The following LZTFL1 variants were observed in gnomAD, a reference collection of about 807,000 sequenced individuals.
The protein encoded by LZTFL1 is leucine zipper transcription factor-like protein 1.
Under a neutral mutation model 45.9 loss-of-function variants are expected in LZTFL1, and 25 were observed. That is an observed-to-expected ratio of 0.54 (90% CI 0.40 to 0.76). LZTFL1 has a LOEUF of 0.76. Among genes scored for constraint, LZTFL1 ranks in the 30% least tolerant of loss-of-function variants. The pLI is 0.00. For missense variants in LZTFL1, 277 were observed against 331.1 expected (o/e 0.84, Z 1.27); for synonymous variants, 93 against 117.4 (o/e 0.79, Z 1.35).
chr3:45,883,850 C>A, intron 2 of LZTFL1: 1 of 538,054 alleles, frequency 1.9e-6, no homozygotes, highest in South Asian at 2.5e-5. Flanking sequence ...CATCACAGAG[C>A]AAGGATTCAG....
chr3:45,845,141 C>T (rs1701197849), upstream of LZTFL1, among the ~76,000 whole-genome samples: 2 of 152,116 alleles, frequency 1.3e-5, no homozygotes, highest in Admixed American at 1.3e-4. Context: ...TTCCATACTC[C>T]CTTATGCATA....
At chr3:45,904,067 C>T (rs755813935) in intron 2 of LZTFL1, among the ~76,000 whole-genome samples, 6 of 152,110 alleles carry the variant, frequency 3.9e-5, no homozygotes, top group Non-Finnish European at 7.4e-5. Context: ...GCAGCCTCAC[C>T]AGGACAATTA....
intron 4 of LZTFL1, among the ~76,000 whole-genome samples, chr3:45,852,236 G>A (rs1701320575): frequency 6.6e-6 from 1 of 152,202 alleles, no homozygotes; most frequent in South Asian, 2.1e-4. Context: ...GGATAAGCTA[G>A]TATGACATTT....
intron 2 of LZTFL1, among the ~76,000 whole-genome samples, chr3:45,880,333 C>A (rs775681095): frequency 6.6e-6 from 1 of 152,138 alleles, no homozygotes; most frequent in Non-Finnish European, 1.5e-5. Context: ...AAAACCCCAT[C>A]TCTACTAAAA....
chr3:45,896,341 G>T (rs3774641), intron 2 of LZTFL1, among the ~76,000 whole-genome samples: 25,088 of 152,168 alleles, frequency 0.16, 2,629 homozygotes, highest in South Asian at 0.44. Context: ...GTAATGACCT[G>T]CTCTTGTCAG....
At chr3:45,864,075 G>A (rs1244425081) in intron 2 of LZTFL1, among the ~76,000 whole-genome samples, 2 of 152,154 alleles carry the variant, frequency 1.3e-5, no homozygotes, top group Non-Finnish European at 2.9e-5. Context: ...CTATGTGGGA[G>A]ACTGACTGTG....
chr3:45,841,374 A>G (rs554456575), intron 1 of LZTFL1, among the ~76,000 whole-genome samples: 3 of 152,230 alleles, frequency 2.0e-5, no homozygotes, highest in African/African-American at 4.8e-5. Flanking sequence ...GGGATTAATG[A>G]TATTTTTTGA....
At chr3:45,893,365 G>T (rs1702251148) in intron 2 of LZTFL1, among the ~76,000 whole-genome samples, 1 of 152,050 alleles carries the variant, frequency 6.6e-6, no homozygotes, top group Non-Finnish European at 1.5e-5. Flanking sequence ...ATGTTGGCCA[G>T]ACTGGTCTCG....
intron 2 of LZTFL1, among the ~76,000 whole-genome samples, chr3:45,890,586 G>A (rs1231961370): frequency 6.6e-6 from 1 of 151,328 alleles, no homozygotes; most frequent in Non-Finnish European, 1.5e-5. Context: ...TGGGCTTCTT[G>A]ATGGCACCTG....
At chr3:45,889,118 T>G (rs1364377846) in intron 2 of LZTFL1, among the ~76,000 whole-genome samples, 1 of 152,228 alleles carries the variant, frequency 6.6e-6, no homozygotes, top group Admixed American at 6.5e-5. Context: ...GCTGAGTAGC[T>G]GGGACTACAG....
intron 2 of LZTFL1, among the ~76,000 whole-genome samples, chr3:45,865,116 G>A (rs906047410): frequency 3.3e-5 from 5 of 152,180 alleles, no homozygotes; most frequent in African/African-American, 1.2e-4. Context: ...TCATGCCTGT[G>A]CTGCTCCCAG....
intron 9 of LZTFL1, 141 bp downstream of exon 9, chr3:45,827,215 A>T (rs544606096): frequency 2.9e-6 from 2 of 687,848 alleles, no homozygotes. Flanking sequence ...GAGCTCCTCC[A>T]CTTTCCTCAA....
chr3:45,869,195 T>C (rs150130902), intron 2 of LZTFL1, among the ~76,000 whole-genome samples: 1,687 of 152,296 alleles, frequency 0.011, 33 homozygotes, highest in African/African-American at 0.038. Context: ...TGCTCAGGGA[T>C]GGAGGACCAT....
rs1702545554 is a variant in LZTFL1 at position 45,901,248 on chromosome 3, G to C, written c.-215+11872C>G. ...CATTGCCATTGCCCAGGCCATGAGAGCACATACTTGGAGGGAGAAAAGGCT... is the reference window on the plus strand; with the variant it reads ...CATTGCCATTGCCCAGGCCATGAGACCACATACTTGGAGGGAGAAAAGGCT... On this transcript the variant is annotated intron_variant, in intron 2 of 4. Transcript: ENST00000472635. This position sits in a 1 kb window ranked among gnomAD's most constrained non-coding sequence, Gnocchi z 4.3. The C allele has an allele frequency of 6.2e-7, 1 of 1,614,220 alleles. No homozygotes were observed. Among genetic ancestry groups the C allele is most frequent in the South Asian group, 1.1e-5 (1 of 91,080 alleles).
intron 2 of LZTFL1, among the ~76,000 whole-genome samples, chr3:45,880,507 A>C (rs1049764558): frequency 6.6e-6 from 1 of 152,140 alleles, no homozygotes; most frequent in Non-Finnish European, 1.5e-5. Flanking sequence ...ATCTCAAAAA[A>C]AAAGGAAATC....
intron 4 of LZTFL1, among the ~76,000 whole-genome samples, chr3:45,852,346 C>A (rs958734565): frequency 6.6e-6 from 1 of 152,174 alleles, no homozygotes; most frequent in Non-Finnish European, 1.5e-5. Flanking sequence ...TAAGAAACAA[C>A]AAGACCACAA....
chr3:45,831,075 G>T lies in LZTFL1; in HGVS notation c.520C>A (p.Gln174Lys). 6.2e-7 allele frequency: 1 copy of T among 1,608,518 alleles called. No individual in the cohort carries two copies. Among genetic ancestry groups the T allele is most frequent in the Non-Finnish European group, 8.5e-7 (1 of 1,176,822 alleles). Reference protein sequence around the residue: ...LKSRLKTIEIQATNALDEKSK... With the variant: ...LKSRLKTIEIKATNALDEKSK... ...GTGTCAAAACATTTCTCAGTTACCT[G>T]TATTTCAATGGTCTTCAACCTTGAC... The change falls in exon 6 of 10, where the codon CAG becomes AAG. Residue 174 changes from glutamine (Q) to lysine (K), a missense_variant and splice_region_variant. Gln to Lys is a moderately conservative substitution (Grantham distance 53). Coordinates refer to ENST00000296135, the MANE Select transcript of LZTFL1 (RefSeq NM_020347.4).
intron 2 of LZTFL1, among the ~76,000 whole-genome samples, chr3:45,883,461 T>C (rs6441930): frequency 0.49 from 75,300 of 152,150 alleles, 22,145 homozygotes; most frequent in African/African-American, 0.82. Flanking sequence ...GACATAATTC[T>C]TCTCAAACCT....
rs1295744187 is a variant in LZTFL1, at chr3:45,835,584, T to G, written c.323+6A>C. 3 of 1,613,434 alleles carry G rather than the reference T, an allele frequency of 1.9e-6. 1 individual carries two copies. Among genetic ancestry groups the G allele is most frequent in the Admixed American group, 3.3e-5 (2 of 59,918 alleles). ...TTGTCACAGTTGCAAGTTCAAATTTTATTACCGGTTTTCAAGTTCAGAGAT... is the reference window on the plus strand; with the variant it reads ...TTGTCACAGTTGCAAGTTCAAATTTGATTACCGGTTTTCAAGTTCAGAGAT... On this transcript the variant is annotated splice_donor_region_variant and intron_variant, in intron 3 of 9. Coordinates refer to ENST00000296135, the MANE Select transcript of LZTFL1 (RefSeq NM_020347.4).
Sources: gnomAD v4.1 joint callset for allele counts (sites outside exome capture counted in the v4.1 genomes callset) on GRCh38, gnomAD v4.1.1 for gene constraint, Gnocchi (gnomAD v3.1) non-coding constraint, MANE v1.5 for transcripts, NCBI Gene and HGNC (gene_info 2026-07-23, HGNC 2026-07-21) for gene names.